The following PCGF5 variants were observed in gnomAD, a reference collection of about 807,000 sequenced individuals.
The protein encoded by PCGF5 is polycomb group ring finger 5.
PCGF5 carries 9 observed loss-of-function variants against 44.3 expected under a neutral mutation model. The ratio of observed to expected loss-of-function variants is 0.20; its 90% confidence interval spans 0.12 to 0.35. The LOEUF (loss-of-function observed/expected upper bound fraction) is 0.35, where lower values mean the gene tolerates loss of function less well. Among genes scored for constraint, PCGF5 ranks in the 10% least tolerant of loss-of-function variants. The probability of loss-of-function intolerance (pLI) is 1.00; values close to 1 mark genes in which losing one functional copy is unlikely to be tolerated. For synonymous variants in PCGF5, 95 were observed against 102.5 expected (o/e 0.93, Z 0.44); for missense variants, 146 against 305.3 (o/e 0.48, Z 3.89).
chr10:91,216,066 C>A (rs1480538901), upstream of PCGF5, among the ~76,000 whole-genome samples: 1 of 152,164 alleles, frequency 6.6e-6, no homozygotes, highest in Non-Finnish European at 1.5e-5. Flanking sequence ...TTTTTGCCAT[C>A]CACTCTGCTG....
Position 91,284,004 on chromosome 10 carries a change from A to G in PCGF5, c.*5688A>G, listed in dbSNP as rs147805190. 6.5e-6 allele frequency: 1 copy of G among 152,770 alleles called. No homozygotes were observed. Among genetic ancestry groups the G allele is most frequent in the Non-Finnish European group, 1.5e-5 (1 of 68,030 alleles). The allele number at this position is 152,770 out of a possible 1,614,324, so 9.5% of individuals were successfully genotyped here. A position where few individuals can be genotyped will look rare whatever the true frequency, so the allele number is the denominator to read the frequency against. On this transcript the variant is annotated 3_prime_UTR_variant, in exon 10 of 10. Coordinates refer to ENST00000336126, the MANE Select transcript of PCGF5 (RefSeq NM_032373.5). ...ATTAAGAATATATGTATTTTTGTAA[A>G]GGAAAAGCACTTGTAGATATTTAAT...
chr10:91,262,046 T>C (rs781413012), intron 7 of PCGF5, among the ~76,000 whole-genome samples: 1 of 152,212 alleles, frequency 6.6e-6, no homozygotes, highest in South Asian at 2.1e-4. Context: ...TAAGGAAATA[T>C]CATTTCTCAC....
chr10:91,234,593 T>C (rs781690897), intron 2 of PCGF5, among the ~76,000 whole-genome samples: 4 of 152,230 alleles, frequency 2.6e-5, no homozygotes, highest in Admixed American at 6.5e-5. Flanking sequence ...TTATGATTAG[T>C]GCATCAAACT....
intron 6 of PCGF5, among the ~76,000 whole-genome samples, chr10:91,255,098 G>A (rs117906088): frequency 0.012 from 1,861 of 152,036 alleles, 19 homozygotes; most frequent in Admixed American, 0.023. Context: ...TTGTTTCCTC[G>A]GAGACCCCAC....
rs1220407405 is a variant in PCGF5, at chr10:91,284,006, GA to G, written c.*5694del. 1 of 152,512 alleles carries G rather than the reference GA, an allele frequency of 6.6e-6. No homozygotes were observed. Among genetic ancestry groups the G allele is most frequent in the Non-Finnish European group, 1.5e-5 (1 of 68,014 alleles). 9.4% of individuals were successfully genotyped at this position (152,512 alleles called of 1,614,324 possible). ...TAAGAATATATGTATTTTTGTAAAG[GA>G]AAAGCACTTGTAGATATTTAATCAG... is the stretch of plus-strand genomic sequence containing the variant. On this transcript the variant is annotated 3_prime_UTR_variant, in exon 10 of 10. Transcript: ENST00000336126.
intron 2 of PCGF5, among the ~76,000 whole-genome samples, chr10:91,239,506 G>A (rs1845266658): frequency 2.7e-5 from 4 of 150,572 alleles, no homozygotes. Context: ...TGTTGATCTT[G>A]AGGAGAAAGA....
At chr10:91,193,801 A>T (rs1213215833) in intron 1 of PCGF5, among the ~76,000 whole-genome samples, 1 of 152,212 alleles carries the variant, frequency 6.6e-6, no homozygotes, top group Non-Finnish European at 1.5e-5. Flanking sequence ...GGGGAGAAGC[A>T]GGGAGACCAA....
At chr10:91,158,939 T>C (rs1843348904), upstream of PCGF5, among the ~76,000 whole-genome samples, 1 of 152,248 alleles carries the variant, frequency 6.6e-6, no homozygotes, top group African/African-American at 2.4e-5. Context: ...TGCTGATAAT[T>C]TTTCCTGCTC....
chr10:91,167,300 CTCTT>C (rs1195235493), intron 1 of PCGF5, among the ~76,000 whole-genome samples: 1 of 152,128 alleles, frequency 6.6e-6, no homozygotes, highest in African/African-American at 2.4e-5. Flanking sequence ...GACATAGATA[CTCTT>C]TCTTTAAGAG....
At chr10:91,271,102 C>CTATATATATATATAATCTAA (rs1554852227) in intron 8 of PCGF5, among the ~76,000 whole-genome samples, 2 of 124,268 alleles carry the variant, frequency 1.6e-5, no homozygotes, top group African/African-American at 4.2e-5. Context: ...AGATCTAATG[C>CTATATATATATATAATCTAA]TATATATATA....
intron 1 of PCGF5, among the ~76,000 whole-genome samples, chr10:91,179,821 T>C (rs572850351): frequency 6.6e-6 from 1 of 152,340 alleles, no homozygotes; most frequent in South Asian, 2.1e-4. Context: ...TGCATGCATG[T>C]GTCTTTTTTG....
intron 7 of PCGF5, among the ~76,000 whole-genome samples, chr10:91,262,746 T>C (rs1845953813): frequency 6.6e-6 from 1 of 152,222 alleles, no homozygotes; most frequent in Non-Finnish European, 1.5e-5. Flanking sequence ...GAAAAAATTA[T>C]GGAAGTTAAC....
rs530166834 is a variant in PCGF5 at position 91,224,912 on chromosome 10, G to A, written c.112+1929G>A. On this transcript the variant is annotated intron_variant, in intron 2 of 9. Coordinates refer to ENST00000336126, the MANE Select transcript of PCGF5 (RefSeq NM_032373.5). ...TCCGTTTCCCGTTTCACCAAGCATG[G>A]AACCTGGACCCAGTCCACAGTGTGT... is the stretch of plus-strand genomic sequence containing the variant. 3.3e-5 allele frequency among the ~76,000 whole-genome samples: 5 copies of A among 152,204 alleles called. No homozygotes were observed. The East Asian group carries it at 7.7e-4, about 23-fold the overall frequency.
intron 1 of PCGF5, among the ~76,000 whole-genome samples, chr10:91,177,355 G>T (rs1485873701): frequency 2.6e-5 from 4 of 152,196 alleles, no homozygotes; most frequent in African/African-American, 9.7e-5. Context: ...CGGGGGTCAG[G>T]GACCCACTTG....
In PCGF5 at chr10:91,187,164, A is replaced by C. The variant is rs1425980883; in HGVS notation, c.-184+24083A>C. On this transcript the variant is annotated intron_variant, in intron 1 of 9. Coordinates refer to the PCGF5 transcript ENST00000614189. ...AGAATTATCTGAGGACTTGTAAAAA[A>C]TACTGGTATCTGGGACCTATCTATA... Among the ~76,000 whole-genome samples, 3 of 152,202 alleles carry C rather than the reference A, an allele frequency of 2.0e-5. No homozygotes were observed. The East Asian group carries it at 5.8e-4, about 29-fold the overall frequency.
At chr10:91,223,138 T>C (rs2133282251) in intron 2 of PCGF5, among the ~76,000 whole-genome samples, 155 bp downstream of exon 2, 1 of 152,338 alleles carries the variant, frequency 6.6e-6, no homozygotes, top group Admixed American at 6.5e-5. Flanking sequence ...ATATTTGTCA[T>C]TGGGTTGCCA....
chr10:91,265,537 A>G (rs1846030824), intron 8 of PCGF5, among the ~76,000 whole-genome samples: 1 of 152,162 alleles, frequency 6.6e-6, no homozygotes, highest in Non-Finnish European at 1.5e-5. Flanking sequence ...AATCATAAAA[A>G]AAAACAAAAT....
intron 6 of PCGF5, among the ~76,000 whole-genome samples, chr10:91,257,305 T>A (rs1845780069): frequency 6.6e-6 from 1 of 151,986 alleles, no homozygotes; most frequent in African/African-American, 2.4e-5. Context: ...TTAAGGAAAA[T>A]AATAAATGTT....
At chr10:91,169,066 C>G (rs1451168903) in intron 1 of PCGF5, among the ~76,000 whole-genome samples, 1 of 151,846 alleles carries the variant, frequency 6.6e-6, no homozygotes, top group Non-Finnish European at 1.5e-5. Context: ...ACTAGGCTCT[C>G]CTCAAGCAGG....
Sources: gnomAD v4.1 joint callset for allele counts (sites outside exome capture counted in the v4.1 genomes callset) on GRCh38, gnomAD v4.1.1 for gene constraint, MANE v1.5 for transcripts, NCBI Gene and HGNC (gene_info 2026-07-23, HGNC 2026-07-21) for gene names.